The following XCL1 variants were observed in gnomAD, a reference collection of about 807,000 sequenced individuals.
XCL1 encodes the protein lymphotactin.
A neutral mutation model predicts 7.4 loss-of-function variants in XCL1; 6 were observed. The ratio of observed to expected loss-of-function variants is 0.82; its 90% CI spans 0.45 to 1.61. XCL1 has a LOEUF of 1.61. XCL1 is among the 40% of genes most tolerant of loss of function. The pLI, the probability that XCL1 is intolerant of heterozygous loss-of-function variation, is 0.01. For synonymous variants in XCL1, 48 were observed against 52.4 expected (o/e 0.92, Z 0.36); for missense variants, 122 against 138.2 (o/e 0.88, Z 0.59).
At chr1:168,577,513 A>C (rs2300295) in intron 1 of XCL1, among the ~76,000 whole-genome samples, 93,995 of 151,918 alleles carry the variant, frequency 0.62, 30,150 homozygotes, top group African/African-American at 0.75. Context: ...TTAAGGATTA[A>C]TTTTTCCTAT....
At chr1:168,577,126 G>C (rs1655042215) in intron 1 of XCL1, among the ~76,000 whole-genome samples, 2 of 152,076 alleles carry the variant, frequency 1.3e-5, no homozygotes, top group South Asian at 4.1e-4. Flanking sequence ...TGCATTTGTA[G>C]GTTTTGCCCA....
rs777222855 is a variant in XCL1 at position 168,576,695 on chromosome 1, G to A, written c.58G>A (p.Glu20Lys). 1.9e-6 allele frequency: 3 copies of A among 1,613,784 alleles called. No homozygotes were observed. Among genetic ancestry groups the A allele is most frequent in the Non-Finnish European group, 2.5e-6 (3 of 1,179,820 alleles). Residue 20 changes from glutamate to lysine, a missense_variant, in exon 1 of 3, where the codon GAA becomes AAA. Glu to Lys is a moderately conservative substitution (Grantham distance 56). Transcript: ENST00000367818. ...CTGCTCTCTCACTGCATACATTGTGGAAGGTAAGTGGAGAAGCTGTCTGTG... is the reference window on the plus strand; with the variant it reads ...CTGCTCTCTCACTGCATACATTGTGAAAGGTAAGTGGAGAAGCTGTCTGTG... ...GICSLTAYIV[E>K]GVGSEVSDKR...
chr1:168,580,052 T>C lies in XCL1; in HGVS notation c.62-11T>C. On this transcript the variant is annotated splice_polypyrimidine_tract_variant and intron_variant, in intron 1 of 2. Transcript: ENST00000367818. ...ATTTTTAATTGTCTGTTGTTTTTTT[T>C]TCCTCACCAGGTGTAGGGAGTGAAG... is the stretch of plus-strand genomic sequence containing the variant. The C allele has an allele frequency of 6.2e-7, 1 of 1,604,802 alleles. No homozygotes were observed. The highest frequency in any genetic ancestry group is 8.5e-7 in the Non-Finnish European group (1 of 1,175,312).
chr1:168,581,030 C>T (rs1655153748), intron 2 of XCL1, 22 bp from the exon 3 acceptor site: 1 of 1,610,926 alleles, frequency 6.2e-7, no homozygotes, highest in South Asian at 1.1e-5. Flanking sequence ...CTAACTTCGT[C>T]TGTCTTTTCC....
chr1:168,580,044 G>GTT lies in XCL1; in HGVS notation c.62-11_62-10dup. The GTT allele has an allele frequency of 3.3e-6, 5 of 1,532,060 alleles. No homozygotes were observed. The highest frequency in any genetic ancestry group is 1.8e-5 in the Admixed American group (1 of 56,486). The allele number at this position is 1,532,060 out of a possible 1,614,324, so 94.9% of individuals were successfully genotyped here. ...ATTGCTTTATTTTTAATTGTCTGTT[G>GTT]TTTTTTTTTCCTCACCAGGTGTAGG... On this transcript the variant is annotated intron_variant, in intron 1 of 2. Transcript: ENST00000367818.
chr1:168,579,824 T>C (rs4098345), intron 1 of XCL1, among the ~76,000 whole-genome samples: 1,617 of 152,160 alleles, frequency 0.011, 5 homozygotes, highest in Non-Finnish European at 0.013. Context: ...CTTGTTATTT[T>C]CTCTCAGCAT....
At chr1:168,578,752 C>T (rs754212552) in intron 1 of XCL1, 26 of 447,614 alleles carry the variant, frequency 5.8e-5, no homozygotes, top group South Asian at 2.4e-4. Flanking sequence ...TCATCATATC[C>T]GTCATTGTAA....
intron 1 of XCL1, among the ~76,000 whole-genome samples, chr1:168,579,591 G>A (rs1171894997): frequency 1.3e-5 from 2 of 151,932 alleles, no homozygotes; most frequent in African/African-American, 2.4e-5. Flanking sequence ...TTATGGTACT[G>A]TAACATGTTG....
intron 1 of XCL1, among the ~76,000 whole-genome samples, chr1:168,577,211 A>G (rs1244118759): frequency 1.7e-4 from 26 of 152,214 alleles, no homozygotes; most frequent in Admixed American, 6.5e-5. Context: ...CAGAGGATGT[A>G]TGTTCTGGAG....
Position 168,579,974 on chromosome 1 carries a change from A to T in XCL1, c.62-89A>T. The T allele has an allele frequency of 2.2e-6, 3 of 1,338,514 alleles. No individual in the cohort carries two copies. The South Asian group carries it at 4.9e-5, about 22-fold the overall frequency. The allele number at this position is 1,338,514 out of a possible 1,614,324, so 82.9% of individuals were successfully genotyped here. ...GCAAATGGCCTTAAATTCTCACAAC[A>T]TTCTCAGAGTAATTTAACAGATGAT... On this transcript the variant is annotated intron_variant, in intron 1 of 2. Coordinates refer to ENST00000367818, the MANE Select transcript of XCL1 (RefSeq NM_002995.3).
intron 2 of XCL1, 122 bp downstream of exon 2, chr1:168,580,299 C>T (rs1171450541): frequency 3.8e-6 from 4 of 1,065,064 alleles, no homozygotes; most frequent in African/African-American, 3.2e-5. Context: ...TCAACTTAAC[C>T]AAAAACCTCT....
intron 2 of XCL1, 26 bp from the exon 3 acceptor site, chr1:168,581,026 T>C (rs1655153393): frequency 6.2e-7 from 1 of 1,610,404 alleles, no homozygotes; most frequent in African/African-American, 1.3e-5. Flanking sequence ...GTGGCTAACT[T>C]CGTCTGTCTT....
intron 1 of XCL1, among the ~76,000 whole-genome samples, chr1:168,579,696 G>A (rs1030277684): frequency 4.9e-4 from 74 of 151,940 alleles, no homozygotes; most frequent in African/African-American, 1.7e-3. Context: ...TGTCTGCTTA[G>A]TAAAACATGT....
chr1:168,578,116 A>G (rs2300297), intron 1 of XCL1, among the ~76,000 whole-genome samples: 12,871 of 152,262 alleles, frequency 0.085, 687 homozygotes, highest in East Asian at 0.2. Context: ...GAAACAGAGA[A>G]AAAACCCAGA....
chr1:168,580,409 T>C (rs1427903591), intron 2 of XCL1, among the ~76,000 whole-genome samples: 1 of 152,228 alleles, frequency 6.6e-6, no homozygotes, highest in Non-Finnish European at 1.5e-5. Context: ...CTCCTCTATT[T>C]AGCTTAGTGG....
Position 168,580,270 on chromosome 1 carries a change from G to A in XCL1, c.176+93G>A, listed in dbSNP as rs1036171437. ...ATGCTGCCGTCCTCAGGAAAAGTAG[G>A]TCAGCATAGAGGAACACCTCAACTT... On this transcript the variant is annotated intron_variant, in intron 2 of 2. Coordinates refer to ENST00000367818, the MANE Select transcript of XCL1 (RefSeq NM_002995.3). 4 of 1,421,626 alleles carry A rather than the reference G, an allele frequency of 2.8e-6. No individual in the cohort carries two copies. In the African/African-American group the frequency reaches 4.3e-5, roughly 15 times the overall value. 88.1% of individuals were successfully genotyped at this position (1,421,626 alleles called of 1,614,324 possible). A position where few individuals can be genotyped will look rare whatever the true frequency, so the allele number is the denominator to read the frequency against.
intron 1 of XCL1, chr1:168,578,693 C>T: frequency 9.3e-6 from 3 of 321,282 alleles, no homozygotes; most frequent in Non-Finnish European, 1.2e-5. Context: ...TTGCTATTTC[C>T]AGCTTGGCAT....
At chr1:168,580,210 G>A (rs1368553006) in intron 2 of XCL1, 33 bp downstream of exon 2, 2 of 1,609,348 alleles carry the variant, frequency 1.2e-6, no homozygotes, top group African/African-American at 2.7e-5. Flanking sequence ...TGTGCTGGGT[G>A]GGTATCTAGA....
rs903335554 is a variant in XCL1, at chr1:168,581,472, C to T, written c.*252C>T. 9.7e-6 allele frequency: 3 copies of T among 310,174 alleles called. No individual in the cohort carries two copies. The highest frequency in any genetic ancestry group is 4.5e-5 in the African/African-American group (2 of 44,588). 19.2% of individuals were successfully genotyped at this position (310,174 alleles called of 1,614,324 possible). A position where few individuals can be genotyped will look rare whatever the true frequency, so the allele number is the denominator to read the frequency against. Reference sequence around the variant, plus strand: ...TGTATCATTGTTGTTTGATTTCTGACCTTGTACCTCTCTTTGATGGTAACC... The same window carrying T: ...TGTATCATTGTTGTTTGATTTCTGATCTTGTACCTCTCTTTGATGGTAACC... On this transcript the variant is annotated 3_prime_UTR_variant, in exon 3 of 3. Coordinates refer to ENST00000367818, the MANE Select transcript of XCL1 (RefSeq NM_002995.3).
Sources: allele counts gnomAD v4.1 joint callset (sites outside exome capture counted in the v4.1 genomes callset), GRCh38; gene constraint gnomAD v4.1.1; transcripts MANE v1.5; gene names NCBI Gene and HGNC (gene_info 2026-07-23, HGNC 2026-07-21).